SCN9A: variants seen among roughly 807,000 people sequenced by gnomAD.
SCN9A encodes sodium channel protein type 9 subunit alpha.
A neutral mutation model predicts 187.0 loss-of-function variants in SCN9A; 131 were observed. The observed-to-expected ratio is 0.70, with a 90% CI of 0.61 to 0.81. The LOEUF (loss-of-function observed/expected upper bound fraction) is 0.81, where lower values mean the gene tolerates loss of function less well. Ranked by LOEUF, SCN9A falls within the 30% of genes least tolerant of loss-of-function variation. The probability of loss-of-function intolerance (pLI) is 0.00; values close to 1 mark genes in which losing one functional copy is unlikely to be tolerated. For missense variants in SCN9A, 2,252 were observed against 2,396.6 expected, an observed-to-expected ratio of 0.94 and a Z score of 1.26; for synonymous variants, 809 against 808.6, an observed-to-expected ratio of 1.00 and a Z score of -0.01.
intron 1 of SCN9A, among the ~76,000 whole-genome samples, chr2:166,352,866 G>A (rs1249296185): frequency 1.3e-5 from 2 of 152,172 alleles, no homozygotes; most frequent in Non-Finnish European, 2.9e-5. Context: ...ACCAACAATT[G>A]ATAATTGGTA....
At chr2:166,341,140 T>C (rs888200512) in intron 1 of SCN9A, among the ~76,000 whole-genome samples, 1 of 152,098 alleles carries the variant, frequency 6.6e-6, no homozygotes, top group South Asian at 2.1e-4. Context: ...AAATGGAAAA[T>C]AAGATGCTTT....
intron 1 of SCN9A, among the ~76,000 whole-genome samples, chr2:166,323,226 G>T (rs1699285813): frequency 6.6e-6 from 1 of 152,070 alleles, no homozygotes; most frequent in African/African-American, 2.4e-5. Context: ...TATCATTAAT[G>T]TAATCTCTGA....
intron 7 of SCN9A, among the ~76,000 whole-genome samples, chr2:166,298,044 T>C (rs988776057): frequency 6.6e-6 from 1 of 152,196 alleles, no homozygotes; most frequent in Non-Finnish European, 1.5e-5. Context: ...CTTGGGCCTA[T>C]GGAAGTGAAG....
intron 9 of SCN9A, among the ~76,000 whole-genome samples, chr2:166,291,726 A>T (rs1204230484): frequency 6.6e-6 from 1 of 152,222 alleles, no homozygotes; most frequent in Non-Finnish European, 1.5e-5. Context: ...AAACAGACAT[A>T]TAGGCCAATG....
intron 24 of SCN9A, among the ~76,000 whole-genome samples, chr2:166,206,151 A>G (rs991511023): frequency 6.6e-6 from 1 of 152,160 alleles, no homozygotes. Context: ...TGACCCAGCA[A>G]TCTCATTACT....
intron 1 of SCN9A, among the ~76,000 whole-genome samples, chr2:166,370,782 T>C (rs1300222699): frequency 6.7e-6 from 1 of 149,762 alleles, no homozygotes; most frequent in Non-Finnish European, 1.5e-5. Flanking sequence ...GGCGTACATA[T>C]CAAACATTTG....
At chr2:166,316,244 T>C (rs1447026043) in intron 1 of SCN9A, among the ~76,000 whole-genome samples, 1 of 152,216 alleles carries the variant, frequency 6.6e-6, no homozygotes, top group Admixed American at 6.5e-5. Context: ...TGTAACCATG[T>C]CAAACCTCAC....
In SCN9A at chr2:166,294,704, TAA is replaced by T. The variant is rs755824191; in HGVS notation, c.902-44_902-43del. ...TGAACAGTTATAACATCACAGACTT[TAA>T]TCTGTGATTGTGATAAAGGAGGTAA... On this transcript the variant is annotated intron_variant, in intron 7 of 26. Coordinates refer to ENST00000642356, the MANE Select transcript of SCN9A (RefSeq NM_001365536.1). The T allele has an allele frequency of 7.5e-6, 10 of 1,334,642 alleles. No homozygotes were observed. In the South Asian group the frequency reaches 1.3e-4, roughly 18 times the overall value. The allele number at this position is 1,334,642 out of a possible 1,614,324, so 82.7% of individuals were successfully genotyped here.
intron 19 of SCN9A, among the ~76,000 whole-genome samples, chr2:166,239,315 G>A (rs6705157): frequency 0.027 from 4,144 of 150,978 alleles, 187 homozygotes; most frequent in African/African-American, 0.094. Context: ...CTTTCAGATC[G>A]AAACACTATT....
At chr2:166,305,148 A>G (rs988614680) in intron 5 of SCN9A, among the ~76,000 whole-genome samples, 2 of 152,222 alleles carry the variant, frequency 1.3e-5, no homozygotes, top group Non-Finnish European at 2.9e-5. Flanking sequence ...TACTTTGATA[A>G]TTCAAAGTCA....
Position 166,208,039 on chromosome 2 carries a change from T to C in SCN9A, c.4399-3575A>G, listed in dbSNP as rs566862366. Reference sequence around the variant, plus strand: ...GTTGTCAATATGATGAAGAATGGGATAAAACTAATAGGAGATTATGAATTA... The same window carrying C: ...GTTGTCAATATGATGAAGAATGGGACAAAACTAATAGGAGATTATGAATTA... On this transcript the variant is annotated intron_variant, in intron 24 of 26. Coordinates refer to ENST00000642356, the MANE Select transcript of SCN9A (RefSeq NM_001365536.1). 1.9e-4 allele frequency among the ~76,000 whole-genome samples: 29 copies of C among 152,334 alleles called. 1 individual carries two copies. Among genetic ancestry groups the C allele is most frequent in the Non-Finnish European group, 3.1e-4 (21 of 68,038 alleles).
At chr2:166,355,468 TC>T (rs1411295837) in intron 1 of SCN9A, among the ~76,000 whole-genome samples, 5 of 152,252 alleles carry the variant, frequency 3.3e-5, no homozygotes, top group Admixed American at 3.3e-4. Context: ...TGATCTTTTT[TC>T]TATTGAAATA....
intron 20 of SCN9A, among the ~76,000 whole-genome samples, chr2:166,237,287 G>A (rs1007981572): frequency 6.6e-6 from 1 of 151,550 alleles, no homozygotes; most frequent in African/African-American, 2.4e-5. Context: ...TGATCTCACC[G>A]ACTATTTTAA....
intron 9 of SCN9A, among the ~76,000 whole-genome samples, chr2:166,290,699 G>T (rs193147207): frequency 6.6e-6 from 1 of 151,780 alleles, no homozygotes; most frequent in South Asian, 2.1e-4. Flanking sequence ...TTTTTTGGCC[G>T]CATAAATGTC....
intron 2 of SCN9A, among the ~76,000 whole-genome samples, chr2:166,310,955 G>C (rs1479128849): frequency 1.1e-5 from 1 of 90,270 alleles, no homozygotes; most frequent in Non-Finnish European, 2.3e-5. Flanking sequence ...TAGGGACATG[G>C]ATGCAATTGG....
At chr2:166,374,610 G>A (rs568308434) in intron 1 of SCN9A, among the ~76,000 whole-genome samples, 10 of 151,950 alleles carry the variant, frequency 6.6e-5, no homozygotes, top group Middle Eastern at 6.8e-3. Context: ...ATATAAAATA[G>A]GTTTATATTG....
At chr2:166,334,960 A>G (rs575707171) in intron 1 of SCN9A, among the ~76,000 whole-genome samples, 223 of 152,268 alleles carry the variant, frequency 1.5e-3, no homozygotes, top group African/African-American at 5.0e-3. Flanking sequence ...TGAGGAAATC[A>G]TACATCTATT....
chr2:166,282,408 A>G (rs975332559), intron 12 of SCN9A, among the ~76,000 whole-genome samples: 1 of 152,196 alleles, frequency 6.6e-6, no homozygotes, highest in Admixed American at 6.6e-5. Context: ...CTACATCTGA[A>G]AGAGGTGACC....
chr2:166,371,312 C>T (rs1255188699), intron 1 of SCN9A, among the ~76,000 whole-genome samples: 2 of 152,162 alleles, frequency 1.3e-5, no homozygotes, highest in South Asian at 4.1e-4. Flanking sequence ...TTGTCTGTGG[C>T]AGATTATGCT....
Sources: gnomAD v4.1 joint callset for allele counts (sites outside exome capture counted in the v4.1 genomes callset) on GRCh38, gnomAD v4.1.1 for gene constraint, MANE v1.5 for transcripts, NCBI Gene and HGNC (gene_info 2026-07-23, HGNC 2026-07-21) for gene names.